The following RAB8A variants were observed in gnomAD, a reference collection of about 807,000 sequenced individuals.
RAB8A encodes the protein RAB8A, member RAS oncogene family, also known as ras-related protein Rab-8A.
A neutral mutation model predicts 29.2 loss-of-function variants in RAB8A; 5 were observed. The observed-to-expected ratio is 0.17, with a 90% CI of 0.09 to 0.36. The LOEUF is 0.36. Ranked by LOEUF, RAB8A falls within the 10% of genes least tolerant of loss-of-function variation. The probability of loss-of-function intolerance (pLI) is 1.00; values close to 1 mark genes in which losing one functional copy is unlikely to be tolerated. For synonymous variants in RAB8A, 108 were observed against 99.9 expected (o/e 1.08, Z -0.49); for missense variants, 171 against 272.2 (o/e 0.63, Z 2.62).
At position 16,122,913 on chromosome 19, in the gene RAB8A, G is replaced by C. The variant is rs1054865266; in HGVS notation, c.246+1103G>C. Reference sequence around the variant, plus strand: ...GGCACTGGGGTCTTGGGGAGCTTCAGCCTCTGGAGAAAACTGTGACCTGGG... The same window carrying C: ...GGCACTGGGGTCTTGGGGAGCTTCACCCTCTGGAGAAAACTGTGACCTGGG... On this transcript the variant is annotated intron_variant, in intron 3 of 7. Coordinates refer to ENST00000300935, the MANE Select transcript of RAB8A (RefSeq NM_005370.5). This position sits in a 1 kb window ranked among gnomAD's most constrained non-coding sequence, Gnocchi z 4.7. 2.0e-5 allele frequency among the ~76,000 whole-genome samples: 3 copies of C among 152,156 alleles called. No homozygotes were observed. The highest frequency in any genetic ancestry group is 7.2e-5 in the African/African-American group (3 of 41,436).
chr19:16,120,996 A>G (rs1472494503), intron 2 of RAB8A, among the ~76,000 whole-genome samples: 6 of 149,538 alleles, frequency 4.0e-5, no homozygotes, highest in Non-Finnish European at 8.9e-5. Context: ...GGCTCACTGC[A>G]GCCTCCACCT....
intron 1 of RAB8A, 73 bp downstream of exon 1, chr19:16,112,098 G>A: frequency 6.3e-7 from 1 of 1,578,838 alleles, no homozygotes; most frequent in Non-Finnish European, 8.6e-7. Context: ...CTGGGGCTGA[G>A]GGATCTACAG....
intron 4 of RAB8A, chr19:16,126,099 G>A (rs970273788): frequency 4.1e-5 from 8 of 194,596 alleles, no homozygotes; most frequent in Admixed American, 3.6e-4. Flanking sequence ...CCTGGCTGCC[G>A]GCACCTGCAG....
intron 2 of RAB8A, among the ~76,000 whole-genome samples, chr19:16,120,639 C>G (rs1238933710): frequency 6.9e-6 from 1 of 145,416 alleles, no homozygotes. Context: ...GAGACAGAGT[C>G]TTACTCTGTC....
chr19:16,118,292 A>G lies in RAB8A; in HGVS notation c.185+6A>G. The G allele has an allele frequency of 6.2e-7, 1 of 1,609,162 alleles. No individual in the cohort carries two copies. The highest frequency in any genetic ancestry group is 8.5e-7 in the Non-Finnish European group (1 of 1,177,068). On this transcript the variant is annotated splice_donor_region_variant and intron_variant, in intron 2 of 7. Transcript: ENST00000300935. ...AGAATTAAACTGCAGATATGGTAAG[A>G]GTCATTGTTCTCTGTCATTCTCTCC...
rs188194399 is a variant in RAB8A at position 16,127,843 on chromosome 19, G to T, written c.415-183G>T. 2.1e-4 allele frequency: 140 copies of T among 673,280 alleles called. No individual in the cohort carries two copies. The African/African-American group carries it at 2.3e-3, about 11-fold the overall frequency. The allele number at this position is 673,280 out of a possible 1,614,324, so 41.7% of individuals were successfully genotyped here. ...GCCATCCCCAGCAACTCCATGCCCT[G>T]TGAGGCCCTGTGGAGGGGCATTCAC... On this transcript the variant is annotated intron_variant, in intron 5 of 7. Transcript: ENST00000300935. This position sits in a 1 kb window ranked among gnomAD's most constrained non-coding sequence, Gnocchi z 4.8.
intron 1 of RAB8A, among the ~76,000 whole-genome samples, chr19:16,115,454 T>C (rs2090842182): frequency 6.6e-6 from 1 of 152,190 alleles, no homozygotes; most frequent in Non-Finnish European, 1.5e-5. Flanking sequence ...TCATTTGTGG[T>C]GTGAACTTGG....
In RAB8A at chr19:16,112,037, G is replaced by A. The variant is rs749498369; in HGVS notation, c.124+12G>A. On this transcript the variant is annotated intron_variant, in intron 1 of 7. Coordinates refer to ENST00000300935, the MANE Select transcript of RAB8A (RefSeq NM_005370.5). ...TATCTCCACCATAGGTAACGGGACC[G>A]GGGAATGGCTGGGGGCGCCGGAGGC... 5 of 1,613,376 alleles carry A rather than the reference G, an allele frequency of 3.1e-6. No homozygotes were observed. The East Asian group carries it at 1.1e-4, about 36-fold the overall frequency.
At chr19:16,131,501 GGGAT>G (rs905682315) in intron 7 of RAB8A, among the ~76,000 whole-genome samples, 1 of 151,736 alleles carries the variant, frequency 6.6e-6, no homozygotes, top group Non-Finnish European at 1.5e-5. Flanking sequence ...TGCTTGGAAG[GGGAT>G]GGATGGATGG....
rs375199155 is a variant in RAB8A at position 16,127,938 on chromosome 19, G to A, written c.415-88G>A. The A allele has an allele frequency of 4.7e-5, 65 of 1,393,098 alleles. No individual in the cohort carries two copies. Among genetic ancestry groups the A allele is most frequent in the African/African-American group, 1.0e-4 (7 of 70,254 alleles). The allele number at this position is 1,393,098 out of a possible 1,614,324, so 86.3% of individuals were successfully genotyped here. A position where few individuals can be genotyped will look rare whatever the true frequency, so the allele number is the denominator to read the frequency against. ...AGCCCTGTTGCTGCTCCCTCTTGGC[G>A]CCGGCCCTGCCTTCAGCTCCTGTTT... On this transcript the variant is annotated intron_variant, in intron 5 of 7. Coordinates refer to ENST00000300935, the MANE Select transcript of RAB8A (RefSeq NM_005370.5). This position sits in a 1 kb window ranked among gnomAD's most constrained non-coding sequence, Gnocchi z 4.8.
Position 16,127,900 on chromosome 19 carries a change from C to A in RAB8A, c.415-126C>A. The A allele has an allele frequency of 1.1e-6, 1 of 927,594 alleles. No homozygotes were observed. Among genetic ancestry groups the A allele is most frequent in the Non-Finnish European group, 1.7e-6 (1 of 577,196 alleles). The allele number at this position is 927,594 out of a possible 1,614,324, so 57.5% of individuals were successfully genotyped here. ...ATTGAGGGAGTGATCCAGGAAGTCA[C>A]GCCCACAGCCCCAGCCCTGTTGCTG... On this transcript the variant is annotated intron_variant, in intron 5 of 7. Coordinates refer to ENST00000300935, the MANE Select transcript of RAB8A (RefSeq NM_005370.5). The surrounding 1 kb of genome is among the most constrained non-coding windows in gnomAD (Gnocchi z 4.8).
chr19:16,114,254 C>T (rs1056917209), intron 1 of RAB8A, among the ~76,000 whole-genome samples: 5 of 151,644 alleles, frequency 3.3e-5, no homozygotes, highest in African/African-American at 9.7e-5. Flanking sequence ...GGCAACAGAG[C>T]GAGACCCTGT....
intron 2 of RAB8A, among the ~76,000 whole-genome samples, chr19:16,120,998 C>T (rs570251478): frequency 6.6e-6 from 1 of 150,856 alleles, no homozygotes; most frequent in South Asian, 2.1e-4. Flanking sequence ...CTCACTGCAG[C>T]CTCCACCTCC....
intron 2 of RAB8A, among the ~76,000 whole-genome samples, chr19:16,119,344 T>A (rs2090862416): frequency 6.6e-6 from 1 of 152,196 alleles, no homozygotes; most frequent in South Asian, 2.1e-4. Flanking sequence ...TAGCTGGTAT[T>A]ACAGGCATGC....
rs1358373228 is a variant in RAB8A, at chr19:16,132,041, AGTTG to A, written c.532-163_532-160del. 7.0e-6 allele frequency among the ~76,000 whole-genome samples: 1 copy of A among 142,700 alleles called. No homozygotes were observed. The highest frequency in any genetic ancestry group is 1.5e-5 in the Non-Finnish European group (1 of 65,940). The allele number at this position is 142,700 out of a possible 152,430, so 93.6% of individuals were successfully genotyped here. A position where few individuals can be genotyped will look rare whatever the true frequency, so the allele number is the denominator to read the frequency against. ...TGGATGGTTGGATGGCTCGTTGGTT[AGTTG>A]GTTGGTTTGGCTGGTTTGATTGGTT... On this transcript the variant is annotated intron_variant, in intron 7 of 7. Transcript: ENST00000300935. This position sits in a 1 kb window ranked among gnomAD's most constrained non-coding sequence, Gnocchi z 5.6.
In RAB8A at chr19:16,127,761, G is replaced by A. The variant is rs531381273; in HGVS notation, c.414+235G>A. The A allele has an allele frequency of 2.7e-4, 164 of 605,510 alleles. 1 individual carries two copies. In the South Asian group the frequency reaches 3.0e-3, roughly 11 times the overall value. 37.5% of individuals were successfully genotyped at this position (605,510 alleles called of 1,614,324 possible). A position where few individuals can be genotyped will look rare whatever the true frequency, so the allele number is the denominator to read the frequency against. Reference sequence around the variant, plus strand: ...TCCAGACTTTCAAGACCACAGGAGCGGGGAACAGAGCCATAGTTTGATCCC... The same window carrying A: ...TCCAGACTTTCAAGACCACAGGAGCAGGGAACAGAGCCATAGTTTGATCCC... On this transcript the variant is annotated intron_variant, in intron 5 of 7. Coordinates refer to ENST00000300935, the MANE Select transcript of RAB8A (RefSeq NM_005370.5). This position sits in a 1 kb window ranked among gnomAD's most constrained non-coding sequence, Gnocchi z 4.8.
chr19:16,118,881 C>T lies in RAB8A; in HGVS notation c.185+595C>T, dbSNP rs534676031. Among the ~76,000 whole-genome samples the T allele has an allele frequency of 3.9e-5, 6 of 152,324 alleles. No homozygotes were observed. In the South Asian group the frequency reaches 1.2e-3, roughly 32 times the overall value. On this transcript the variant is annotated intron_variant, in intron 2 of 7. Transcript: ENST00000300935. ...ACATACAATTAGGGAAGTGGGGAGA[C>T]TCCAAGTCGCCATCGCTGGCCTGAT...
intron 1 of RAB8A, among the ~76,000 whole-genome samples, chr19:16,115,047 A>G (rs1423375421): frequency 6.6e-6 from 1 of 152,208 alleles, no homozygotes; most frequent in East Asian, 1.9e-4. Context: ...CACGTGTGAC[A>G]GGAAATGGGG....
intron 6 of RAB8A, 28 bp from the exon 7 acceptor site, chr19:16,129,526 A>G: frequency 1.2e-6 from 2 of 1,612,796 alleles, no homozygotes; most frequent in African/African-American, 1.3e-5. Flanking sequence ...CTGCCATCCC[A>G]AGGACTCACA....
Sources: gnomAD v4.1 joint callset for allele counts (sites outside exome capture counted in the v4.1 genomes callset) on GRCh38, gnomAD v4.1.1 for gene constraint, Gnocchi (gnomAD v3.1) non-coding constraint, MANE v1.5 for transcripts, NCBI Gene and HGNC (gene_info 2026-07-23, HGNC 2026-07-21) for gene names.